The following NGEF variants were observed in gnomAD, a reference collection of about 807,000 sequenced individuals.
NGEF encodes neuronal guanine nucleotide exchange factor.
A neutral mutation model predicts 80.9 loss-of-function variants in NGEF; 31 were observed. The ratio of observed to expected loss-of-function variants is 0.38; its 90% CI spans 0.29 to 0.52. The LOEUF (loss-of-function observed/expected upper bound fraction) is 0.52. Ranked by LOEUF, NGEF falls within the 20% of genes least tolerant of loss-of-function variation. The pLI, the probability that NGEF is intolerant of heterozygous loss-of-function variation, is 0.84. For missense variants in NGEF, 709 were observed against 926.2 expected, an observed-to-expected ratio of 0.77 and a Z score of 3.04; for synonymous variants, 371 against 370.2, an observed-to-expected ratio of 1.00 and a Z score of -0.03.
chr2:232,892,861 TC>T lies in NGEF; in HGVS notation c.1142+36del, dbSNP rs773117080. 1.3e-6 allele frequency: 2 copies of T among 1,599,380 alleles called. No individual in the cohort carries two copies. Among genetic ancestry groups the T allele is most frequent in the Non-Finnish European group, 1.7e-6 (2 of 1,170,862 alleles). On this transcript the variant is annotated intron_variant, in intron 7 of 14. Transcript: ENST00000264051. This position sits in a 1 kb window ranked among gnomAD's most constrained non-coding sequence, Gnocchi z 4.0. ...CACTGGTATGGCTGCCCCGGGCACCTCCCCCTGCCCCTGAGCCCCTTGCCGG... is the reference window on the plus strand; with the variant it reads ...CACTGGTATGGCTGCCCCGGGCACCTCCCCTGCCCCTGAGCCCCTTGCCGG...
intron 5 of NGEF, among the ~76,000 whole-genome samples, chr2:232,916,579 C>T (rs1419197334): frequency 6.6e-6 from 1 of 152,128 alleles, no homozygotes; most frequent in Non-Finnish European, 1.5e-5. Flanking sequence ...ATAGATAAAG[C>T]AATGGAAACA....
At chr2:232,900,217 T>C (rs1692271631) in intron 5 of NGEF, among the ~76,000 whole-genome samples, 1 of 116,096 alleles carries the variant, frequency 8.6e-6, no homozygotes, top group Admixed American at 8.5e-5. Flanking sequence ...CATATACACG[T>C]TCACTCACAT....
intron 5 of NGEF, chr2:232,901,278 C>G (rs1044730442): frequency 6.5e-6 from 5 of 774,412 alleles, no homozygotes; most frequent in Non-Finnish European, 7.8e-6. Context: ...GAGTCCCACT[C>G]CTGCCTCCGC....
intron 14 of NGEF, 23 bp downstream of exon 14, chr2:232,881,123 G>C: frequency 6.2e-7 from 1 of 1,600,868 alleles, no homozygotes. Flanking sequence ...TGGGGGCCCC[G>C]AGGGGAGGTC....
intron 4 of NGEF, among the ~76,000 whole-genome samples, chr2:232,926,048 G>A (rs1315222429): frequency 6.6e-6 from 1 of 152,216 alleles, no homozygotes; most frequent in Middle Eastern, 3.4e-3. Flanking sequence ...TGGGCTGCCC[G>A]GGAAAGGTCT....
intron 3 of NGEF, among the ~76,000 whole-genome samples, chr2:232,935,732 C>T (rs897260450): frequency 1.3e-5 from 2 of 152,170 alleles, no homozygotes; most frequent in African/African-American, 4.8e-5. Flanking sequence ...CATTGCTATT[C>T]ACTTATTCTA....
At chr2:232,907,217 C>T (rs1692587817) in intron 5 of NGEF, among the ~76,000 whole-genome samples, 1 of 117,908 alleles carries the variant, frequency 8.5e-6, no homozygotes, top group African/African-American at 3.1e-5. Context: ...GGAAAACATA[C>T]TATAGCATTT....
chr2:232,882,770 C>T (rs997455660), intron 12 of NGEF, among the ~76,000 whole-genome samples: 8 of 152,180 alleles, frequency 5.3e-5, no homozygotes, highest in African/African-American at 1.9e-4. Flanking sequence ...TTCCACTCCA[C>T]GAGTGCACTG....
At chr2:232,949,387 G>A (rs1444226823) in intron 3 of NGEF, among the ~76,000 whole-genome samples, 2 of 152,070 alleles carry the variant, frequency 1.3e-5, no homozygotes, top group Non-Finnish European at 2.9e-5. Flanking sequence ...CTGGGTCAAA[G>A]ATTAGGAATA....
At chr2:232,905,057 C>T (rs1692460371) in intron 5 of NGEF, among the ~76,000 whole-genome samples, 1 of 151,798 alleles carries the variant, frequency 6.6e-6, no homozygotes, top group Non-Finnish European at 1.5e-5. Context: ...GAAAACAGCT[C>T]TCTCCTCTCT....
chr2:232,888,083 T>G lies in NGEF; in HGVS notation c.1297A>C (p.Arg433=), dbSNP rs146554955. The change falls in exon 9 of 15, where the codon AGG becomes CGG. Residue 433 remains arginine, a synonymous_variant. Transcript: ENST00000264051. ...AAAGCAGTGCACTCCCGCTCAGACC[T>G]CTCTTCTACCCTCTTCAGGATGTTC... The part of the protein sequence containing the change: ...VQNILKRVEE[R]SERECTALDA... 2.5e-6 allele frequency: 4 copies of G among 1,611,302 alleles called. No homozygotes were observed. The African/African-American group carries it at 5.4e-5, about 22-fold the overall frequency.
chr2:232,941,138 G>A (rs936272190), intron 3 of NGEF, among the ~76,000 whole-genome samples: 2 of 152,094 alleles, frequency 1.3e-5, no homozygotes, highest in Non-Finnish European at 2.9e-5. Context: ...ATAGGAAGTC[G>A]GAGCTGTCTT....
At chr2:232,966,782 A>C (rs1000369560) in intron 3 of NGEF, among the ~76,000 whole-genome samples, 2 of 151,124 alleles carry the variant, frequency 1.3e-5, no homozygotes, top group African/African-American at 2.4e-5. Flanking sequence ...GGCCCCTTGG[A>C]CTCTTGCTCT....
chr2:232,944,459 C>T (rs1693507756), intron 3 of NGEF, among the ~76,000 whole-genome samples: 1 of 151,876 alleles, frequency 6.6e-6, no homozygotes, highest in South Asian at 2.1e-4. Context: ...GGTATAGTCA[C>T]CAGAGGAGTG....
intron 5 of NGEF, among the ~76,000 whole-genome samples, chr2:232,911,989 T>C (rs970357850): frequency 2.0e-5 from 3 of 152,216 alleles, no homozygotes; most frequent in Admixed American, 6.5e-5. Flanking sequence ...GCCTTTTATT[T>C]CTTTTTCTTG....
In NGEF at chr2:232,879,205, C is replaced by T. The variant is rs1691400303; in HGVS notation, c.*284G>A. 1 of 334,850 alleles carries T rather than the reference C, an allele frequency of 3.0e-6. No homozygotes were observed. Among genetic ancestry groups the T allele is most frequent in the Non-Finnish European group, 5.5e-6 (1 of 181,178 alleles). The allele number at this position is 334,850 out of a possible 1,614,324, so 20.7% of individuals were successfully genotyped here. On this transcript the variant is annotated 3_prime_UTR_variant, in exon 15 of 15. Transcript: ENST00000264051. ...ATGGGGGGCCCTGGAGTGTGCCCAC[C>T]CCCTTCCACCCCCTCGGAGGCATGA...
intron 8 of NGEF, 121 bp from the exon 9 acceptor site, chr2:232,888,228 A>C: frequency 1.5e-6 from 1 of 671,114 alleles, no homozygotes. Flanking sequence ...GCATGCACAC[A>C]CACACACACG....
intron 5 of NGEF, among the ~76,000 whole-genome samples, chr2:232,908,901 G>A (rs567255001): frequency 7.8e-4 from 119 of 152,180 alleles, no homozygotes; most frequent in Admixed American, 2.7e-3. Flanking sequence ...TGACATACAT[G>A]AAAACAACTA....
At chr2:232,900,584 A>T (rs28533396) in intron 5 of NGEF, among the ~76,000 whole-genome samples, 3 of 96,698 alleles carry the variant, frequency 3.1e-5, no homozygotes, top group African/African-American at 1.3e-4. Context: ...ACACGCTCTC[A>T]CAGTCACTCA....
Sources: gnomAD v4.1 joint callset for allele counts (sites outside exome capture counted in the v4.1 genomes callset) on GRCh38, gnomAD v4.1.1 for gene constraint, Gnocchi (gnomAD v3.1) non-coding constraint, MANE v1.5 for transcripts, NCBI Gene and HGNC (gene_info 2026-07-23, HGNC 2026-07-21) for gene names.